SEZ6: variants seen among roughly 807,000 people sequenced by gnomAD.
SEZ6 encodes seizure related 6 homolog.
Under a neutral mutation model 101.0 loss-of-function variants are expected in SEZ6, and 53 were observed. The observed-to-expected ratio is 0.52, with a 90% CI of 0.42 to 0.66. SEZ6 has a LOEUF of 0.66. Among genes scored for constraint, SEZ6 ranks in the 30% least tolerant of loss-of-function variants. The probability of loss-of-function intolerance (pLI) is 0.00; values close to 1 mark genes in which losing one functional copy is unlikely to be tolerated. For missense variants in SEZ6, 1,102 were observed against 1,289.4 expected, an observed-to-expected ratio of 0.85 and a Z score of 2.23; for synonymous variants, 488 against 512.2, an observed-to-expected ratio of 0.95 and a Z score of 0.64.
intron 1 of SEZ6, among the ~76,000 whole-genome samples, chr17:28,997,665 G>T (rs989495762): frequency 6.6e-6 from 1 of 152,180 alleles, no homozygotes; most frequent in Non-Finnish European, 1.5e-5. Context: ...TGTTGGAGGG[G>T]CTCCTCTCAA....
At chr17:29,004,928 C>T (rs1447955906) in intron 1 of SEZ6, among the ~76,000 whole-genome samples, 4 of 152,144 alleles carry the variant, frequency 2.6e-5, no homozygotes, top group Admixed American at 2.0e-4. Context: ...CCAAGACCGA[C>T]GAAGTTGGGG....
In SEZ6 at chr17:29,005,804, G is replaced by A; in HGVS notation, c.55+11C>T. On this transcript the variant is annotated intron_variant, in intron 1 of 16. Coordinates refer to ENST00000317338, the MANE Select transcript of SEZ6 (RefSeq NM_178860.5). The surrounding 1 kb of genome is among the most constrained non-coding windows in gnomAD (Gnocchi z 4.8). The stretch of plus-strand genomic sequence containing the variant: ...GCCCCCGTCCTGCCGCCGGATGCCG[G>A]GGTCCCTTACCGTGAGCCAGGAGCG... The A allele has an allele frequency of 6.7e-7, 1 of 1,484,416 alleles. No homozygotes were observed. The highest frequency in any genetic ancestry group is 1.2e-5 in the South Asian group (1 of 80,528). The allele number at this position is 1,484,416 out of a possible 1,614,324, so 92.0% of individuals were successfully genotyped here.
chr17:28,955,806 G>T lies in SEZ6; in HGVS notation c.*156C>A. On this transcript the variant is annotated 3_prime_UTR_variant, in exon 17 of 17. Transcript: ENST00000317338. ...ATAGGCCATGGTGGGCATCGCAGGC[G>T]GGGAAGGGCACAACTTCTTGAGGGC... 3.4e-6 allele frequency: 3 copies of T among 870,170 alleles called. No individual in the cohort carries two copies. Among genetic ancestry groups the T allele is most frequent in the South Asian group, 2.9e-5 (2 of 70,018 alleles). 53.9% of individuals were successfully genotyped at this position (870,170 alleles called of 1,614,324 possible).
chr17:28,955,440 A>G lies in SEZ6; in HGVS notation c.*522T>C, dbSNP rs1160691585. On this transcript the variant is annotated 3_prime_UTR_variant, in exon 17 of 17. Transcript: ENST00000317338. Reference sequence around the variant, plus strand: ...GAACTGTCCAGAACTTTAGAGAACTAGAGACCTCCCAAGAGGCTGATGTTG... The same window carrying G: ...GAACTGTCCAGAACTTTAGAGAACTGGAGACCTCCCAAGAGGCTGATGTTG... 1 of 356,620 alleles carries G rather than the reference A, an allele frequency of 2.8e-6. No individual in the cohort carries two copies. The allele number at this position is 356,620 out of a possible 1,614,324, so 22.1% of individuals were successfully genotyped here. A position where few individuals can be genotyped will look rare whatever the true frequency, so the allele number is the denominator to read the frequency against.
At chr17:28,962,194 G>A (rs1795001732) in intron 5 of SEZ6, among the ~76,000 whole-genome samples, 1 of 152,154 alleles carries the variant, frequency 6.6e-6, no homozygotes, top group African/African-American at 2.4e-5. Context: ...GCTATTTCAT[G>A]CCTGCACATC....
In SEZ6 at chr17:28,984,389, G is replaced by A. The variant is rs540641673; in HGVS notation, c.56-2350C>T. On this transcript the variant is annotated intron_variant, in intron 1 of 16. Transcript: ENST00000317338. ...CCCTGGATCCGGGCATTGTTTATGC[G>A]GCCCCTTTCCAGAGTACCCAACAAG... Among the ~76,000 whole-genome samples the A allele has an allele frequency of 5.9e-5, 9 of 152,274 alleles. No individual in the cohort carries two copies. The South Asian group carries it at 1.5e-3, about 25-fold the overall frequency.
intron 1 of SEZ6, among the ~76,000 whole-genome samples, chr17:29,002,527 G>A (rs1490779585): frequency 6.6e-6 from 1 of 152,210 alleles, no homozygotes; most frequent in Non-Finnish European, 1.5e-5. Context: ...GTCCATGGCA[G>A]TCTCTGGGTC....
In SEZ6 at chr17:28,981,462, G is replaced by T. The variant is rs760104376; in HGVS notation, c.633C>A (p.Thr211=). The T allele has an allele frequency of 5.1e-6, 8 of 1,570,702 alleles. No individual in the cohort carries two copies. The East Asian group carries it at 1.7e-4, about 32-fold the overall frequency. Residue 211 remains threonine, a synonymous_variant, in exon 2 of 17, where the codon ACC becomes ACA. Coordinates refer to ENST00000317338, the MANE Select transcript of SEZ6 (RefSeq NM_178860.5). The part of the protein sequence containing the change: ...SQGAGIGIQG[T]ITSSTASGDD... ...CTCCTGAAGCTGTGGAGGAGGTGAT[G>T]GTCCCCTGGATCCCGATCCCTGCGC... is the stretch of plus-strand genomic sequence containing the variant.
Position 28,960,530 on chromosome 17 carries a change from A to T in SEZ6, c.1551T>A (p.Ala517=). 6.3e-7 allele frequency: 1 copy of T among 1,593,792 alleles called. No homozygotes were observed. The highest frequency in any genetic ancestry group is 8.5e-7 in the Non-Finnish European group (1 of 1,170,700). ...VELSTDSSGA[A]AGMALRYEAF... is the part of the protein sequence containing the mutation. ...CCTCATAGCGCAGGGCCATGCCTGC[A>T]GCTGCCCCGCTGCTGTCAGTACTGA... Residue 517 remains alanine (A), a synonymous_variant, in exon 7 of 17, where the codon GCT becomes GCA. Coordinates refer to ENST00000317338, the MANE Select transcript of SEZ6 (RefSeq NM_178860.5).
chr17:28,969,243 G>A lies in SEZ6; in HGVS notation c.1054+514C>T, dbSNP rs967895054. On this transcript the variant is annotated intron_variant, in intron 4 of 16. Transcript: ENST00000317338. ...TGATTGGGGCATGGGCCAGGTCAAG[G>A]TGGGTGAAGCAGTTCAGGAAGGGCA... Among the ~76,000 whole-genome samples the A allele has an allele frequency of 2.6e-5, 4 of 152,192 alleles. No homozygotes were observed. The East Asian group carries it at 5.8e-4, about 22-fold the overall frequency.
At chr17:28,974,259 G>T (rs2041191381) in intron 3 of SEZ6, among the ~76,000 whole-genome samples, 1 of 152,106 alleles carries the variant, frequency 6.6e-6, no homozygotes, top group Non-Finnish European at 1.5e-5. Context: ...AGGTCTCCTA[G>T]GCTCTCTTGG....
In SEZ6 at chr17:28,959,494, G is replaced by A. The variant is rs1300078110; in HGVS notation, c.1772-22C>T. 2 of 1,608,270 alleles carry A rather than the reference G, an allele frequency of 1.2e-6. No individual in the cohort carries two copies. The highest frequency in any genetic ancestry group is 1.7e-6 in the Non-Finnish European group (2 of 1,178,200). On this transcript the variant is annotated intron_variant, in intron 8 of 16. Coordinates refer to ENST00000317338, the MANE Select transcript of SEZ6 (RefSeq NM_178860.5). This position sits in a 1 kb window ranked among gnomAD's most constrained non-coding sequence, Gnocchi z 4.4. Reference sequence around the variant, plus strand: ...ACGGCTGGAAGGCAGAGGAGGCCCAGAAGGGTCTTTTCAAGCTTACCATGG... The same window carrying A: ...ACGGCTGGAAGGCAGAGGAGGCCCAAAAGGGTCTTTTCAAGCTTACCATGG...
intron 1 of SEZ6, among the ~76,000 whole-genome samples, chr17:28,998,803 G>A (rs552551177): frequency 6.0e-4 from 92 of 152,256 alleles, no homozygotes; most frequent in East Asian, 9.7e-4. Context: ...TTGCTGGGTC[G>A]TCACAGACCC....
At position 28,959,668 on chromosome 17, in the gene SEZ6, C is replaced by T. The variant is rs376548767; in HGVS notation, c.1771+30G>A. The stretch of plus-strand genomic sequence containing the variant: ...TCCTGGTATGACCCTGCCTTTTGCC[C>T]GGTAGGCCCATCCACTGGTGTCTAC... On this transcript the variant is annotated intron_variant, in intron 8 of 16. Coordinates refer to ENST00000317338, the MANE Select transcript of SEZ6 (RefSeq NM_178860.5). The surrounding 1 kb of genome is among the most constrained non-coding windows in gnomAD (Gnocchi z 4.4). 2.4e-5 allele frequency: 38 copies of T among 1,556,978 alleles called. 1 individual carries two copies. The East Asian group carries it at 2.7e-4, about 11-fold the overall frequency.
chr17:28,960,113 G>T, intron 7 of SEZ6: 1 of 607,348 alleles, frequency 1.6e-6, no homozygotes, highest in Non-Finnish European at 2.9e-6. Context: ...TGTTCCCACT[G>T]CCTGGTTTTG....
rs147015049 is a variant in SEZ6 at position 28,978,337 on chromosome 17, A to G, written c.858+1343T>C. On this transcript the variant is annotated intron_variant, in intron 3 of 16. Transcript: ENST00000317338. The stretch of plus-strand genomic sequence containing the variant: ...GTCCGATCATTCAGTCAGCGCATGG[A>G]GTACCCATTCTGGGCTCTGCACTAC... 1.6e-3 allele frequency among the ~76,000 whole-genome samples: 249 copies of G among 152,328 alleles called. 1 individual carries two copies. The highest frequency in any genetic ancestry group is 5.5e-3 in the African/African-American group (228 of 41,568).
At chr17:28,987,855 A>G (rs1393632397) in intron 1 of SEZ6, among the ~76,000 whole-genome samples, 4 of 152,190 alleles carry the variant, frequency 2.6e-5, no homozygotes, top group Non-Finnish European at 5.9e-5. Context: ...CACGCAGCTA[A>G]TGATGGCAGA....
chr17:28,984,326 AAGGAAGGG>A (rs2041348665), intron 1 of SEZ6, among the ~76,000 whole-genome samples: 1 of 152,178 alleles, frequency 6.6e-6, no homozygotes, highest in East Asian at 1.9e-4. Flanking sequence ...AGCATGGCGC[AAGGAAGGG>A]GGGCTTTTCT....
chr17:29,000,738 C>T (rs2152693741), intron 1 of SEZ6, among the ~76,000 whole-genome samples: 1 of 152,214 alleles, frequency 6.6e-6, no homozygotes, highest in East Asian at 1.9e-4. Context: ...ATGGATTCAT[C>T]CTTCCCTTAC....
Sources: allele counts gnomAD v4.1 joint callset (sites outside exome capture counted in the v4.1 genomes callset), GRCh38; gene constraint gnomAD v4.1.1; non-coding constraint Gnocchi (gnomAD v3.1); transcripts MANE v1.5; gene names NCBI Gene and HGNC (gene_info 2026-07-23, HGNC 2026-07-21).